Variants in AFG3L2 observed in about 807,000 individuals in gnomAD.
AFG3L2 encodes the protein AFG3 like matrix AAA peptidase subunit 2.
Under a neutral mutation model 94.5 loss-of-function variants are expected in AFG3L2, and 54 were observed. The ratio of observed to expected loss-of-function variants is 0.57; its 90% CI spans 0.46 to 0.72. The LOEUF is 0.72. Ranked by LOEUF, AFG3L2 falls within the 30% of genes least tolerant of loss-of-function variation. The probability of loss-of-function intolerance (pLI) is 0.00; values close to 1 mark genes in which losing one functional copy is unlikely to be tolerated. For synonymous variants in AFG3L2, 377 were observed against 365.5 expected, an observed-to-expected ratio of 1.03 and a Z score of -0.36; for missense variants, 754 against 994.9, an observed-to-expected ratio of 0.76 and a Z score of 3.26.
Position 12,377,048 on chromosome 18 carries a change from C to T in AFG3L2, c.35G>A (p.Gly12Asp), listed in dbSNP as rs934230033. 3.5e-6 allele frequency: 5 copies of T among 1,436,756 alleles called. No individual in the cohort carries two copies. The highest frequency in any genetic ancestry group is 4.6e-6 in the Non-Finnish European group (5 of 1,096,620). The allele number at this position is 1,436,756 out of a possible 1,614,324, so 89.0% of individuals were successfully genotyped here. A position where few individuals can be genotyped will look rare whatever the true frequency, so the allele number is the denominator to read the frequency against. ...AHRCLRLWGR[G>D]GCWPRGLQQL... is the part of the protein sequence containing the mutation. The stretch of plus-strand genomic sequence containing the variant: ...CTGTAGGCCGCGGGGCCAGCAGCCG[C>T]CCCGGCCCCACAGCCGCAAACAGCG... The change falls in exon 1 of 17, where the codon GGC becomes GAC. Residue 12 changes from glycine to aspartate, a missense_variant. Gly to Asp is a moderately conservative substitution (Grantham distance 94, BLOSUM62 -1). This residue lies in a region of AFG3L2 where 236 missense variants were observed against 214.0 expected (regional missense o/e 1.10). Coordinates refer to ENST00000269143, the MANE Select transcript of AFG3L2 (RefSeq NM_006796.3).
At chr18:12,369,266 C>G in intron 3 of AFG3L2, among the ~76,000 whole-genome samples, 1 of 152,120 alleles carries the variant, frequency 6.6e-6, no homozygotes, top group Non-Finnish European at 1.5e-5. Context: ...GACTCAAAGA[C>G]CACCTAGCAT....
chr18:12,333,942 C>A (rs1393068320), intron 16 of AFG3L2, among the ~76,000 whole-genome samples: 2 of 152,138 alleles, frequency 1.3e-5, no homozygotes, highest in Non-Finnish European at 2.9e-5. Context: ...GCTACCTGAC[C>A]TCTCTCTGTT....
At chr18:12,330,841 C>A (rs1389907251) in intron 16 of AFG3L2, among the ~76,000 whole-genome samples, 2 of 151,510 alleles carry the variant, frequency 1.3e-5, no homozygotes, top group Non-Finnish European at 2.9e-5. Flanking sequence ...GTACCCAGAA[C>A]CCATCCATAC....
At chr18:12,351,871 A>G (rs1908329805) in intron 10 of AFG3L2, among the ~76,000 whole-genome samples, 1 of 151,998 alleles carries the variant, frequency 6.6e-6, no homozygotes, top group Non-Finnish European at 1.5e-5. Flanking sequence ...TAAGTTACAA[A>G]CTTGAATTAT....
intron 16 of AFG3L2, among the ~76,000 whole-genome samples, chr18:12,332,888 A>G (rs1907582398): frequency 7.0e-6 from 1 of 142,842 alleles, no homozygotes; most frequent in East Asian, 2.0e-4. Flanking sequence ...CATTTCAATA[A>G]TTTAATCCAA....
chr18:12,348,668 T>C (rs968042523), intron 12 of AFG3L2, among the ~76,000 whole-genome samples: 4 of 152,206 alleles, frequency 2.6e-5, no homozygotes, highest in African/African-American at 7.2e-5. Flanking sequence ...GCTCACATAA[T>C]AGCAAACTAA....
At chr18:12,341,331 A>G (rs2143129429) in intron 14 of AFG3L2, 1 of 152,328 alleles carries the variant, frequency 6.6e-6, no homozygotes, top group Middle Eastern at 3.4e-3. Flanking sequence ...TGAAGTGTAG[A>G]GTTCAATGAG....
At chr18:12,329,815 T>TAAA in intron 16 of AFG3L2, 32 bp from the exon 17 acceptor site, 1 of 1,561,600 alleles carries the variant, frequency 6.4e-7, no homozygotes, top group South Asian at 1.1e-5. Context: ...TTAAATACAG[T>TAAA]TACTCAGCAA....
chr18:12,372,594 C>T (rs1431476127), intron 1 of AFG3L2, among the ~76,000 whole-genome samples: 1 of 152,188 alleles, frequency 6.6e-6, no homozygotes, highest in Non-Finnish European at 1.5e-5. Context: ...CACAAATGTT[C>T]ACAGAAGCCT....
Position 12,340,309 on chromosome 18 carries a change from C to T in AFG3L2, c.1872G>A (p.Arg624=). The T allele has an allele frequency of 6.2e-7, 1 of 1,614,178 alleles. No individual in the cohort carries two copies. Residue 624 remains arginine (R), a synonymous_variant, in exon 15 of 17, where the codon AGG becomes AGA. Coordinates refer to ENST00000269143, the MANE Select transcript of AFG3L2 (RefSeq NM_006796.3). ...YLYTKEQLLD[R]MCMTLGGRVS... is the part of the protein sequence containing the mutation. ...CTCGACCACCTAAAGTCATACACAT[C>T]CTATCCAAGAGCTGCTCTTTGGTAT...
chr18:12,372,156 T>G (rs995079484), intron 1 of AFG3L2, among the ~76,000 whole-genome samples: 1 of 151,820 alleles, frequency 6.6e-6, no homozygotes, highest in Admixed American at 6.6e-5. Flanking sequence ...ATACAAAAAT[T>G]AGCCAGGCAC....
chr18:12,351,253 A>G (rs1259227273), intron 11 of AFG3L2, 43 bp from the exon 12 acceptor site: 6 of 1,614,110 alleles, frequency 3.7e-6, no homozygotes. Context: ...ATATTGAAAC[A>G]GTCACACCTA....
At position 12,352,505 on chromosome 18, in the gene AFG3L2, A is replaced by C. The variant is rs146946961; in HGVS notation, c.1318+500T>G. Among the ~76,000 whole-genome samples the C allele has an allele frequency of 2.6e-3, 395 of 152,314 alleles. 2 individuals carry two copies. Among genetic ancestry groups the C allele is most frequent in the African/African-American group, 9.1e-3 (380 of 41,576 alleles). Reference sequence around the variant, plus strand: ...AAAGACTGCTACTCTCTTAGTAAAAAAGTATTCAAAATTTGCTAAATTCAC... The same window carrying C: ...AAAGACTGCTACTCTCTTAGTAAAACAGTATTCAAAATTTGCTAAATTCAC... On this transcript the variant is annotated intron_variant, in intron 10 of 16. Transcript: ENST00000269143.
chr18:12,340,475 A>ATGTTT, intron 14 of AFG3L2, 74 bp from the exon 15 acceptor site: 10 of 1,206,520 alleles, frequency 8.3e-6, no homozygotes, highest in East Asian at 2.3e-5. Flanking sequence ...GTATAAACAG[A>ATGTTT]TAAACTCATT....
chr18:12,337,488 G>GT lies in AFG3L2; in HGVS notation c.2027dup (p.Asp676GlufsTer16), dbSNP rs774143679. ...ATACCATGTCCCCCTGACGTGGGAG[G>GT]TCAAAGGAGATTTGCCCAACCTTTT... On this transcript the variant is annotated frameshift_variant, in exon 16 of 17. Transcript: ENST00000269143. LOFTEE classifies it high-confidence loss of function. 1.9e-6 allele frequency: 3 copies of GT among 1,614,092 alleles called. No individual in the cohort carries two copies. The highest frequency in any genetic ancestry group is 2.5e-6 in the Non-Finnish European group (3 of 1,180,044).
At position 12,329,199 on chromosome 18, in the gene AFG3L2, GAGAA is replaced by G. The variant is rs1404027298; in HGVS notation, c.*362_*365del. The G allele has an allele frequency of 5.7e-6, 4 of 702,944 alleles. No individual in the cohort carries two copies. Among genetic ancestry groups the G allele is most frequent in the Non-Finnish European group, 7.8e-6 (3 of 385,010 alleles). The allele number at this position is 702,944 out of a possible 1,614,324, so 43.5% of individuals were successfully genotyped here. On this transcript the variant is annotated 3_prime_UTR_variant, in exon 17 of 17. Coordinates refer to ENST00000269143, the MANE Select transcript of AFG3L2 (RefSeq NM_006796.3). ...ACAGGAATGAAGAGTGGGCGACAAA[GAGAA>G]AGCATCCCTTCCCACACGCCAAGAG...
intron 9 of AFG3L2, 122 bp from the exon 10 acceptor site, chr18:12,353,280 C>A: frequency 8.2e-7 from 1 of 1,217,644 alleles, no homozygotes; most frequent in Non-Finnish European, 1.2e-6. Context: ...TGTGGGAGGC[C>A]GAGGCTGGTG....
intron 16 of AFG3L2, among the ~76,000 whole-genome samples, chr18:12,331,502 T>C (rs9964979): frequency 0.86 from 131,581 of 152,240 alleles, 57,192 homozygotes; most frequent in African/African-American, 0.96. Flanking sequence ...TTCTTTTAAA[T>C]GGTACATAAA....
intron 6 of AFG3L2, among the ~76,000 whole-genome samples, chr18:12,362,667 G>A (rs1348671418): frequency 6.9e-6 from 1 of 145,122 alleles, no homozygotes; most frequent in Non-Finnish European, 1.5e-5. Context: ...TGCCCCCAAG[G>A]ACAACTGCTC....
Sources: allele counts gnomAD v4.1 joint callset (sites outside exome capture counted in the v4.1 genomes callset), GRCh38; gene constraint gnomAD v4.1.1; regional missense constraint gnomAD v4.1.1; transcripts MANE v1.5; gene names NCBI Gene and HGNC (gene_info 2026-07-23, HGNC 2026-07-21).